Variants in TSPAN14 observed in about 807,000 individuals in gnomAD.
TSPAN14 encodes tetraspanin 14, also known as tetraspanin-14.
In TSPAN14, 16 loss-of-function variants were observed where a neutral mutation model predicts 36.6. That is an observed-to-expected ratio of 0.44 (90% CI 0.30 to 0.66). TSPAN14 has a LOEUF of 0.66. Ranked by LOEUF, TSPAN14 falls within the 30% of genes least tolerant of loss-of-function variation. The probability of loss-of-function intolerance (pLI) is 0.12; values close to 1 mark genes in which losing one functional copy is unlikely to be tolerated. For synonymous variants in TSPAN14, 139 were observed against 143.8 expected, an observed-to-expected ratio of 0.97 and a Z score of 0.24; for missense variants, 231 against 355.1, an observed-to-expected ratio of 0.65 and a Z score of 2.81.
intron 1 of TSPAN14, among the ~76,000 whole-genome samples, chr10:80,482,885 G>A (rs973044658): frequency 6.6e-6 from 1 of 151,618 alleles, no homozygotes; most frequent in Non-Finnish European, 1.5e-5. Context: ...ACAGGCGTGA[G>A]CCACCACGCC....
At chr10:80,476,262 A>C (rs1275237192) in intron 1 of TSPAN14, among the ~76,000 whole-genome samples, 1 of 151,784 alleles carries the variant, frequency 6.6e-6, no homozygotes, top group African/African-American at 2.4e-5. Context: ...AGTCCCAGCT[A>C]CTTGAGAGGC....
At chr10:80,488,943 T>A (rs1847772814) in intron 1 of TSPAN14, among the ~76,000 whole-genome samples, 1 of 152,194 alleles carries the variant, frequency 6.6e-6, no homozygotes, top group Non-Finnish European at 1.5e-5. Context: ...TTGGGAAGGC[T>A]CCAAGCCGAA....
intron 1 of TSPAN14, among the ~76,000 whole-genome samples, chr10:80,458,321 TGTTA>T (rs1437532056): frequency 6.6e-6 from 1 of 152,182 alleles, no homozygotes; most frequent in Non-Finnish European, 1.5e-5. Context: ...GTAGGAACCC[TGTTA>T]GTTAAATTTT....
At chr10:80,503,261 G>T (rs914805119) in intron 2 of TSPAN14, among the ~76,000 whole-genome samples, 5 of 152,138 alleles carry the variant, frequency 3.3e-5, no homozygotes, top group African/African-American at 1.2e-4. Flanking sequence ...GTCAGTTCAG[G>T]GGGAGGACTG....
At chr10:80,480,115 A>G (rs1330737701) in intron 1 of TSPAN14, among the ~76,000 whole-genome samples, 1 of 151,190 alleles carries the variant, frequency 6.6e-6, no homozygotes, top group Non-Finnish European at 1.5e-5. Flanking sequence ...GGCGTCTAAG[A>G]ATGCTTGTGA....
intron 1 of TSPAN14, among the ~76,000 whole-genome samples, chr10:80,465,315 A>G: frequency 6.6e-6 from 1 of 152,132 alleles, no homozygotes; most frequent in East Asian, 1.9e-4. Context: ...GCGAGCACTC[A>G]GCTGCTGAAA....
intron 1 of TSPAN14, among the ~76,000 whole-genome samples, chr10:80,455,073 T>G (rs1180451553): frequency 2.6e-5 from 4 of 152,134 alleles, no homozygotes; most frequent in African/African-American, 9.6e-5. Flanking sequence ...GTGAGGTTTG[T>G]GGCTGCGGAC....
chr10:80,481,643 A>G (rs962710156), intron 1 of TSPAN14, among the ~76,000 whole-genome samples: 1 of 152,194 alleles, frequency 6.6e-6, no homozygotes, highest in African/African-American at 2.4e-5. Context: ...GCAGATGCAT[A>G]ATGCGTAAAA....
At chr10:80,512,199 A>G (rs754677869) in exon 6 of TSPAN14, 3 of 1,614,150 alleles carry the variant, frequency 1.9e-6, no homozygotes, top group East Asian at 2.2e-5. Context: ...GTCTACTTCA[A>G]TTGCAGCGGT....
intron 1 of TSPAN14, among the ~76,000 whole-genome samples, chr10:80,485,200 C>CGTGT (rs58641111): frequency 4.2e-4 from 63 of 151,520 alleles, no homozygotes; most frequent in Admixed American, 9.2e-4. Context: ...GTCATGCGTG[C>CGTGT]GTGTGTGTGT....
intron 5 of TSPAN14, among the ~76,000 whole-genome samples, chr10:80,510,707 T>A (rs890738960): frequency 6.7e-6 from 1 of 150,366 alleles, no homozygotes; most frequent in Non-Finnish European, 1.5e-5. Flanking sequence ...ACCCCATCTC[T>A]ACTAAAAATA....
chr10:80,519,138 T>C (rs1841112433), exon 9 of TSPAN14: 1 of 152,750 alleles, frequency 6.5e-6, no homozygotes, highest in Non-Finnish European at 1.5e-5. Context: ...TACCCAGGGC[T>C]GGCTGGCCTG....
intron 1 of TSPAN14, chr10:80,468,507 C>T (rs1395511128): frequency 1.3e-5 from 2 of 152,164 alleles, no homozygotes; most frequent in Non-Finnish European, 2.9e-5. Flanking sequence ...GCTTTCTTCC[C>T]ATGACTTGCT....
chr10:80,487,466 T>C (rs117405726), intron 1 of TSPAN14, among the ~76,000 whole-genome samples: 2,698 of 152,242 alleles, frequency 0.018, 35 homozygotes, highest in Non-Finnish European at 0.028. Flanking sequence ...CCAGTGACAT[T>C]GGAGCAGGTC....
intron 2 of TSPAN14, among the ~76,000 whole-genome samples, chr10:80,500,256 T>C (rs1157854900): frequency 1.3e-5 from 2 of 150,790 alleles, no homozygotes; most frequent in Non-Finnish European, 3.0e-5. Context: ...GTCTTTCCGG[T>C]GTGAGTTAAC....
Position 80,517,904 on chromosome 10 carries a change from G to T in TSPAN14, c.742-1G>T, listed in dbSNP as rs866172782. The T allele has an allele frequency of 6.4e-7, 1 of 1,562,842 alleles. No homozygotes were observed. Among genetic ancestry groups the T allele is most frequent in the East Asian group, 2.3e-5 (1 of 42,752 alleles). On this transcript the variant is annotated splice_acceptor_variant, in intron 8 of 8. Transcript: ENST00000429989. LOFTEE classifies it high-confidence loss of function. Reference sequence around the variant, plus strand: ...GCTGACTCTGCTGGTGTTGGTTTCAGATATTTGGCATCTTCCTGGCAAGGA... The same window carrying T: ...GCTGACTCTGCTGGTGTTGGTTTCATATATTTGGCATCTTCCTGGCAAGGA...
chr10:80,495,377 GTATGTACA>G (rs1564732959), intron 2 of TSPAN14, among the ~76,000 whole-genome samples: 2 of 21,212 alleles, frequency 9.4e-5, no homozygotes, highest in Non-Finnish European at 1.9e-4. Context: ...GTGTGTGTGT[GTATGTACA>G]TGTGTGTATT....
chr10:80,500,572 G>A (rs924930677), intron 2 of TSPAN14, among the ~76,000 whole-genome samples: 25 of 152,026 alleles, frequency 1.6e-4, no homozygotes, highest in Admixed American at 1.3e-3. Context: ...CAGGTGATCC[G>A]CCTCCCAAAG....
chr10:80,508,345 C>T (rs1024328132), intron 4 of TSPAN14, among the ~76,000 whole-genome samples: 1 of 152,170 alleles, frequency 6.6e-6, no homozygotes, highest in Non-Finnish European at 1.5e-5. Context: ...GTCTCCATCT[C>T]CTGACCTTGT....
Sources: gnomAD v4.1 joint callset for allele counts (sites outside exome capture counted in the v4.1 genomes callset) on GRCh38, gnomAD v4.1.1 for gene constraint, MANE v1.5 for transcripts, NCBI Gene and HGNC (gene_info 2026-07-23, HGNC 2026-07-21) for gene names.